The following CR1 variants were observed in gnomAD, a reference collection of about 807,000 sequenced individuals.
CR1 encodes the protein complement C3b/C4b receptor 1 (Knops blood group), also known as complement receptor type 1.
In CR1, 116 loss-of-function variants were observed where a neutral mutation model predicts 187.3. The ratio of observed to expected loss-of-function variants is 0.62; its 90% CI spans 0.53 to 0.72. CR1 has a LOEUF of 0.72. CR1 is among the 30% of genes least tolerant of loss of function. The pLI is 0.00. For synonymous variants in CR1, 576 were observed against 747.1 expected, an observed-to-expected ratio of 0.77 and a Z score of 3.73; for missense variants, 1,731 against 2,110.7, an observed-to-expected ratio of 0.82 and a Z score of 3.52.
intron 42 of CR1, 102 bp downstream of exon 42, chr1:207,618,349 TA>T: frequency 1.8e-6 from 2 of 1,091,864 alleles, no homozygotes; most frequent in South Asian, 1.8e-5. Context: ...AAAGGGATAA[TA>T]TTTTTTTCTT....
chr1:207,617,470 C>A (rs1662141533), intron 41 of CR1, among the ~76,000 whole-genome samples: 1 of 83,818 alleles, frequency 1.2e-5, no homozygotes, highest in Non-Finnish European at 2.6e-5. Context: ...GCATATGTAC[C>A]CTAGAACTTA....
rs1311338722 is a variant in CR1 at position 207,578,352 on chromosome 1, G to A, written c.4936+149G>A. On this transcript the variant is annotated intron_variant, in intron 29 of 46. Coordinates refer to ENST00000367049, the MANE Select transcript of CR1 (RefSeq NM_000651.6). Reference sequence around the variant, plus strand: ...GAAGAAGCATGAAATTAAGAATTGGGGGTGTGCATGCACCCATGCATATGT... The same window carrying A: ...GAAGAAGCATGAAATTAAGAATTGGAGGTGTGCATGCACCCATGCATATGT... The A allele has an allele frequency of 2.1e-5, 32 of 1,492,576 alleles. No homozygotes were observed. In the South Asian group the frequency reaches 4.0e-4, roughly 18 times the overall value. The allele number at this position is 1,492,576 out of a possible 1,614,324, so 92.5% of individuals were successfully genotyped here. A position where few individuals can be genotyped will look rare whatever the true frequency, so the allele number is the denominator to read the frequency against.
At position 207,500,287 on chromosome 1, in the gene CR1, G is replaced by C. The variant is rs910325566; in HGVS notation, c.121+3899G>C. Reference sequence around the variant, plus strand: ...ATTGAGGCATATAATTTATGTTCGTGTACATATATAATTTATAAATTTATA... The same window carrying C: ...ATTGAGGCATATAATTTATGTTCGTCTACATATATAATTTATAAATTTATA... On this transcript the variant is annotated intron_variant, in intron 1 of 46. Transcript: ENST00000367049. Among the ~76,000 whole-genome samples, 3 of 152,176 alleles carry C rather than the reference G, an allele frequency of 2.0e-5. No homozygotes were observed. In the South Asian group the frequency reaches 6.2e-4, roughly 32 times the overall value.
chr1:207,577,182 CG>C (rs2102337422), intron 28 of CR1, among the ~76,000 whole-genome samples: 1 of 149,522 alleles, frequency 6.7e-6, no homozygotes, highest in Non-Finnish European at 1.5e-5. Flanking sequence ...ACCTGGGAGG[CG>C]GGGGTTGCAG....
At chr1:207,568,473 C>A (rs1660575421) in intron 25 of CR1, among the ~76,000 whole-genome samples, 1 of 50,886 alleles carries the variant, frequency 2.0e-5, no homozygotes, top group Non-Finnish European at 3.6e-5. Context: ...GGAACCTGGG[C>A]AGAAAAACTC....
intron 27 of CR1, among the ~76,000 whole-genome samples, chr1:207,572,925 T>A (rs548005153): frequency 6.6e-6 from 1 of 151,736 alleles, no homozygotes; most frequent in African/African-American, 2.4e-5. Flanking sequence ...TCTCTGTGCA[T>A]GTCTGTTTCC....
chr1:207,508,606 A>C (rs1659520382), intron 3 of CR1, among the ~76,000 whole-genome samples: 1 of 152,230 alleles, frequency 6.6e-6, no homozygotes, highest in Admixed American at 6.5e-5. Context: ...CTTAATGTTG[A>C]TGTTGCACTA....
At chr1:207,612,111 T>C in intron 39 of CR1, 70 bp downstream of exon 39, 1 of 1,492,294 alleles carries the variant, frequency 6.7e-7, no homozygotes, top group Non-Finnish European at 9.3e-7. Context: ...CAGGGGTTAA[T>C]CCAATTAAGG....
At chr1:207,637,742 C>G (rs1473705891) in intron 46 of CR1, among the ~76,000 whole-genome samples, 1 of 148,488 alleles carries the variant, frequency 6.7e-6, no homozygotes, top group African/African-American at 2.5e-5. Context: ...CTATCATTAA[C>G]ATATACTTCA....
chr1:207,592,674 A>G (rs1558253638), intron 35 of CR1, among the ~76,000 whole-genome samples: 1 of 152,192 alleles, frequency 6.6e-6, no homozygotes, highest in African/African-American at 2.4e-5. Context: ...TGCATATGAC[A>G]TGACTGTATA....
chr1:207,605,329 T>C (rs893953792), intron 35 of CR1, among the ~76,000 whole-genome samples: 3 of 132,240 alleles, frequency 2.3e-5, no homozygotes, highest in African/African-American at 3.2e-5. Context: ...AGATTTTAAA[T>C]ATTCTCACCA....
chr1:207,626,472 A>T (rs764682090), intron 45 of CR1, among the ~76,000 whole-genome samples: 1 of 152,212 alleles, frequency 6.6e-6, no homozygotes, highest in African/African-American at 2.4e-5. Context: ...TCACAGAAAG[A>T]CAAGGGCATA....
At chr1:207,509,769 G>A (rs1455356669) in intron 3 of CR1, among the ~76,000 whole-genome samples, 1 of 152,154 alleles carries the variant, frequency 6.6e-6, no homozygotes, top group African/African-American at 2.4e-5. Context: ...AGGATCCCTT[G>A]TTCCTAAGAC....
Position 207,579,929 on chromosome 1 carries a change from T to C in CR1, c.4937-311T>C, listed in dbSNP as rs546297818. ...AGTCATTGGTGTGCAATCAGAGAAA[T>C]TGGGGGAAATCTGTAAAACAGATTT... On this transcript the variant is annotated intron_variant, in intron 29 of 46. Transcript: ENST00000367049. Among the ~76,000 whole-genome samples, 14 of 152,258 alleles carry C rather than the reference T, an allele frequency of 9.2e-5. No individual in the cohort carries two copies. In the South Asian group the frequency reaches 2.5e-3, roughly 27 times the overall value.
chr1:207,507,024 A>G, intron 3 of CR1: 1 of 488,536 alleles, frequency 2.0e-6, no homozygotes, highest in South Asian at 2.8e-5. Context: ...AAACCAAGGC[A>G]GAGCATATAT....
intron 39 of CR1, among the ~76,000 whole-genome samples, chr1:207,614,040 G>A (rs1051782296): frequency 1.3e-5 from 2 of 152,214 alleles, no homozygotes; most frequent in African/African-American, 4.8e-5. Context: ...AGAGCCATCA[G>A]TGAAAGATGA....
chr1:207,507,951 A>G (rs1260861291), intron 3 of CR1, among the ~76,000 whole-genome samples: 7 of 152,224 alleles, frequency 4.6e-5, no homozygotes, highest in Non-Finnish European at 1.0e-4. Context: ...TTCAATACCA[A>G]AAAGAAATGA....
intron 32 of CR1, among the ~76,000 whole-genome samples, chr1:207,582,452 T>G (rs1290296557): frequency 6.6e-6 from 1 of 152,184 alleles, no homozygotes; most frequent in Non-Finnish European, 1.5e-5. Flanking sequence ...ACAAGACAGA[T>G]AAGTCCATGT....
intron 42 of CR1, among the ~76,000 whole-genome samples, chr1:207,619,276 G>A (rs538287230): frequency 4.9e-4 from 73 of 150,110 alleles, no homozygotes; most frequent in South Asian, 3.1e-3. Flanking sequence ...CCACCTACCC[G>A]GGAGGCTGAA....
Sources: gnomAD v4.1 joint callset for allele counts (sites outside exome capture counted in the v4.1 genomes callset) on GRCh38, gnomAD v4.1.1 for gene constraint, MANE v1.5 for transcripts, NCBI Gene and HGNC (gene_info 2026-07-23, HGNC 2026-07-21) for gene names.